RUNDC3B: variants seen among roughly 807,000 people sequenced by gnomAD.
RUNDC3B encodes the protein RUN domain-containing protein 3B.
Under a neutral mutation model 58.4 loss-of-function variants are expected in RUNDC3B, and 33 were observed. That is an observed-to-expected ratio of 0.56 (90% CI 0.43 to 0.75). The LOEUF (loss-of-function observed/expected upper bound fraction) is 0.75, where lower values mean the gene tolerates loss of function less well. Among genes scored for constraint, RUNDC3B ranks in the 30% least tolerant of loss-of-function variants. RUNDC3B has a pLI of 0.00. For missense variants in RUNDC3B, 501 were observed against 535.7 expected, an observed-to-expected ratio of 0.94 and a Z score of 0.64; for synonymous variants, 193 against 195.2, an observed-to-expected ratio of 0.99 and a Z score of 0.10.
intron 2 of RUNDC3B, among the ~76,000 whole-genome samples, chr7:87,660,987 A>G (rs1345785053): frequency 6.6e-6 from 1 of 152,030 alleles, no homozygotes; most frequent in Non-Finnish European, 1.5e-5. Flanking sequence ...ACTTTAATAA[A>G]TGTCCCATCT....
chr7:87,687,853 T>A (rs1225336360), intron 2 of RUNDC3B, among the ~76,000 whole-genome samples: 1 of 152,208 alleles, frequency 6.6e-6, no homozygotes, highest in Middle Eastern at 3.2e-3. Context: ...TGAGGCCATC[T>A]TTTGAAGTAC....
intron 1 of RUNDC3B, among the ~76,000 whole-genome samples, chr7:87,638,474 A>G (rs1187022471): frequency 6.6e-6 from 1 of 151,944 alleles, no homozygotes; most frequent in Non-Finnish European, 1.5e-5. Context: ...GTGAACCGCA[A>G]ATTGTCTTTG....
rs563155079 is a variant in RUNDC3B, at chr7:87,649,682, T to C, written c.123-1140T>C. 8.5e-5 allele frequency among the ~76,000 whole-genome samples: 13 copies of C among 152,266 alleles called. No individual in the cohort carries two copies. In the South Asian group the frequency reaches 2.5e-3, roughly 29 times the overall value. ...TTTGCTATTTATAAGCTCATAAAAA[T>C]TTTGGATGTTGAAATGGTTTGTCTG... On this transcript the variant is annotated intron_variant, in intron 1 of 10. Transcript: ENST00000394654.
chr7:87,657,089 A>C (rs1824181046), intron 2 of RUNDC3B, among the ~76,000 whole-genome samples: 1 of 152,174 alleles, frequency 6.6e-6, no homozygotes, highest in Non-Finnish European at 1.5e-5. Context: ...GTACAATAAT[A>C]AACCCTGGGC....
intron 6 of RUNDC3B, among the ~76,000 whole-genome samples, chr7:87,753,038 C>T (rs561321892): frequency 1.3e-5 from 2 of 152,226 alleles, no homozygotes; most frequent in African/African-American, 4.8e-5. Flanking sequence ...CCTCTACACA[C>T]TGCTTTGAAT....
chr7:87,714,838 T>A (rs1206121289), intron 4 of RUNDC3B, among the ~76,000 whole-genome samples: 1 of 151,958 alleles, frequency 6.6e-6, no homozygotes, highest in Non-Finnish European at 1.5e-5. Context: ...GCTATGAACA[T>A]CTGCTTTTCT....
At chr7:87,709,166 G>A in intron 3 of RUNDC3B, 2 of 726,642 alleles carry the variant, frequency 2.8e-6, no homozygotes, top group South Asian at 6.2e-5. Flanking sequence ...ACTAAATGCA[G>A]CCCAGTTTTG....
intron 10 of RUNDC3B, among the ~76,000 whole-genome samples, chr7:87,828,470 G>A (rs1837957819): frequency 6.6e-6 from 1 of 151,962 alleles, no homozygotes; most frequent in Admixed American, 6.6e-5. Flanking sequence ...GATTATATGT[G>A]GTATTTGGTT....
chr7:87,639,199 G>A (rs1822182758), intron 1 of RUNDC3B, among the ~76,000 whole-genome samples: 1 of 149,478 alleles, frequency 6.7e-6, no homozygotes, highest in South Asian at 2.1e-4. Context: ...CTTTCAAACA[G>A]TTGAAGGTTT....
intron 10 of RUNDC3B, among the ~76,000 whole-genome samples, chr7:87,825,365 G>C (rs1300183055): frequency 6.6e-6 from 1 of 152,218 alleles, no homozygotes; most frequent in African/African-American, 2.4e-5. Context: ...CTTCCACGTG[G>C]TGTTGAGCCT....
rs1829828935 is a variant in RUNDC3B at position 87,708,840 on chromosome 7, G to A, written c.373-1730G>A. Among the ~76,000 whole-genome samples, 3 of 152,110 alleles carry A rather than the reference G, an allele frequency of 2.0e-5. No individual in the cohort carries two copies. The South Asian group carries it at 6.2e-4, about 32-fold the overall frequency. ...AACCTAACTCACACAATTATTGGGA[G>A]GATTACTTATCTTCTTAATGTATAT... On this transcript the variant is annotated intron_variant, in intron 3 of 10. Transcript: ENST00000394654.
At chr7:87,715,236 T>A (rs1830451067) in intron 4 of RUNDC3B, among the ~76,000 whole-genome samples, 1 of 136,406 alleles carries the variant, frequency 7.3e-6, no homozygotes, top group African/African-American at 2.7e-5. Flanking sequence ...TATAAGGACT[T>A]TATATATATA....
intron 2 of RUNDC3B, among the ~76,000 whole-genome samples, chr7:87,659,421 G>A (rs1824467172): frequency 6.6e-6 from 1 of 151,872 alleles, no homozygotes; most frequent in Admixed American, 6.6e-5. Context: ...TATTATACCA[G>A]TCTACTGGTA....
Position 87,646,340 on chromosome 7 carries a change from T to C in RUNDC3B, c.123-4482T>C, listed in dbSNP as rs138983878. Among the ~76,000 whole-genome samples, 7 of 152,292 alleles carry C rather than the reference T, an allele frequency of 4.6e-5. No individual in the cohort carries two copies. The East Asian group carries it at 1.4e-3, about 29-fold the overall frequency. Reference sequence around the variant, plus strand: ...TAGTTTGTTAAGTAATCTAGTGTTATTCCTGGAGAACATAGTGACTAAAAT... The same window carrying C: ...TAGTTTGTTAAGTAATCTAGTGTTACTCCTGGAGAACATAGTGACTAAAAT... On this transcript the variant is annotated intron_variant, in intron 1 of 10. Coordinates refer to ENST00000394654, the MANE Select transcript of RUNDC3B (RefSeq NM_001134405.2).
chr7:87,763,155 G>A (rs914117412), intron 6 of RUNDC3B, among the ~76,000 whole-genome samples: 1 of 151,500 alleles, frequency 6.6e-6, no homozygotes, highest in Admixed American at 6.6e-5. Context: ...AAAGTTGAAG[G>A]TTAATGTCTT....
rs572978857 is a variant in RUNDC3B, at chr7:87,639,418, A to G, written c.122+10473A>G. On this transcript the variant is annotated intron_variant, in intron 1 of 10. Transcript: ENST00000394654. Reference sequence around the variant, plus strand: ...ATATGTCAGTTAAGTCTAGTGTTTTAATTGCCTTGTTCATGTCCTCTGTAT... The same window carrying G: ...ATATGTCAGTTAAGTCTAGTGTTTTGATTGCCTTGTTCATGTCCTCTGTAT... Among the ~76,000 whole-genome samples, 14 of 152,250 alleles carry G rather than the reference A, an allele frequency of 9.2e-5. No individual in the cohort carries two copies. The East Asian group carries it at 2.3e-3, about 25-fold the overall frequency.
Position 87,715,139 on chromosome 7 carries a change from G to A in RUNDC3B, c.458+4484G>A, listed in dbSNP as rs577358954. The stretch of plus-strand genomic sequence containing the variant: ...GCAAATTCAATGCAATAACTCCAGT[G>A]AAGCCACAGGTAGTGTGAAATGCTA... On this transcript the variant is annotated intron_variant, in intron 4 of 10. Coordinates refer to ENST00000394654, the MANE Select transcript of RUNDC3B (RefSeq NM_001134405.2). Among the ~76,000 whole-genome samples, 7 of 147,316 alleles carry A rather than the reference G, an allele frequency of 4.8e-5. No individual in the cohort carries two copies. The South Asian group carries it at 1.5e-3, about 31-fold the overall frequency.
At chr7:87,694,361 G>A (rs1828302206) in intron 2 of RUNDC3B, among the ~76,000 whole-genome samples, 2 of 152,092 alleles carry the variant, frequency 1.3e-5, no homozygotes, top group South Asian at 2.1e-4. Flanking sequence ...TTTCTCCCAG[G>A]TAGAATGCAT....
At chr7:87,802,929 G>A (rs1322933870) in intron 8 of RUNDC3B, among the ~76,000 whole-genome samples, 6 of 152,058 alleles carry the variant, frequency 3.9e-5, no homozygotes, top group Non-Finnish European at 5.9e-5. Context: ...AGTTTGCAGA[G>A]AGCCATGATC....
Sources: gnomAD v4.1 joint callset for allele counts (sites outside exome capture counted in the v4.1 genomes callset) on GRCh38, gnomAD v4.1.1 for gene constraint, MANE v1.5 for transcripts, NCBI Gene and HGNC (gene_info 2026-07-23, HGNC 2026-07-21) for gene names.